UBE2Q2: variants seen among roughly 807,000 people sequenced by gnomAD.
UBE2Q2 encodes the protein ubiquitin-conjugating enzyme E2 Q2.
A neutral mutation model predicts 59.9 loss-of-function variants in UBE2Q2; 54 were observed. The ratio of observed to expected loss-of-function variants is 0.90; its 90% CI spans 0.72 to 1.13. The LOEUF is 1.13. Ranked by LOEUF, UBE2Q2 falls within the 50% of genes most tolerant of loss-of-function variation. The pLI is 0.00. For synonymous variants in UBE2Q2, 165 were observed against 155.2 expected (o/e 1.06, Z -0.47); for missense variants, 433 against 441.9 (o/e 0.98, Z 0.18).
In UBE2Q2 at chr15:75,860,009, A is replaced by G. The variant is rs1213903551; in HGVS notation, c.387+27A>G. The G allele has an allele frequency of 2.0e-6, 3 of 1,493,998 alleles. No individual in the cohort carries two copies. In the Admixed American group the frequency reaches 6.3e-5, roughly 31 times the overall value. 92.5% of individuals were successfully genotyped at this position (1,493,998 alleles called of 1,614,324 possible). On this transcript the variant is annotated intron_variant, in intron 3 of 12. Transcript: ENST00000267938. ...TAAAGTAAAAATTCTCTAGTGTTCAAGAGCTAAATAAATTGTCTCAAGCAA... is the reference window on the plus strand; with the variant it reads ...TAAAGTAAAAATTCTCTAGTGTTCAGGAGCTAAATAAATTGTCTCAAGCAA...
intron 3 of UBE2Q2, among the ~76,000 whole-genome samples, chr15:75,860,201 C>T (rs113618157): frequency 1.3e-5 from 2 of 152,314 alleles, no homozygotes; most frequent in African/African-American, 4.8e-5. Context: ...AATTGCCCTT[C>T]TCTCTACCAC....
At position 75,877,998 on chromosome 15, in the gene UBE2Q2, T is replaced by C; in HGVS notation, c.711T>C (p.Tyr237=). Residue 237 remains tyrosine (Y), a synonymous_variant, in exon 7 of 13, where the codon TAT becomes TAC. Coordinates refer to ENST00000267938, the MANE Select transcript of UBE2Q2 (RefSeq NM_173469.4). ...TGGAACTCATAAATGACAGTTTATA[T>C]GACTGGCATGTTAAACTGCAGAAGT... The part of the protein sequence containing the change: ...YSVELINDSL[Y]DWHVKLQKVD... The C allele has an allele frequency of 6.2e-7, 1 of 1,613,868 alleles. No individual in the cohort carries two copies. Among genetic ancestry groups the C allele is most frequent in the Non-Finnish European group, 8.5e-7 (1 of 1,179,896 alleles).
chr15:75,884,521 A>T (rs1898646238), intron 9 of UBE2Q2, among the ~76,000 whole-genome samples: 1 of 152,204 alleles, frequency 6.6e-6, no homozygotes, highest in African/African-American at 2.4e-5. Context: ...CAGAATAGTT[A>T]TTTGGGCATG....
rs928676433 is a variant in UBE2Q2 at position 75,900,697 on chromosome 15, T to C, written c.*1239T>C. 3.3e-5 allele frequency: 5 copies of C among 152,654 alleles called. No individual in the cohort carries two copies. The highest frequency in any genetic ancestry group is 7.2e-5 in the African/African-American group (3 of 41,470). The allele number at this position is 152,654 out of a possible 1,614,324, so 9.5% of individuals were successfully genotyped here. A position where few individuals can be genotyped will look rare whatever the true frequency, so the allele number is the denominator to read the frequency against. ...ATCTGAGAGACTTGTCATTTCTACATTGTGTGTGTTTAATTTCTTTTGATT... is the reference window on the plus strand; with the variant it reads ...ATCTGAGAGACTTGTCATTTCTACACTGTGTGTGTTTAATTTCTTTTGATT... On this transcript the variant is annotated 3_prime_UTR_variant, in exon 13 of 13. Transcript: ENST00000267938.
intron 11 of UBE2Q2, among the ~76,000 whole-genome samples, 163 bp downstream of exon 11, chr15:75,891,177 A>T (rs1360077452): frequency 6.6e-6 from 1 of 152,204 alleles, no homozygotes; most frequent in Non-Finnish European, 1.5e-5. Context: ...TGGAATTATA[A>T]GAAAATTAAA....
At chr15:75,879,480 G>A (rs930206800) in intron 8 of UBE2Q2, among the ~76,000 whole-genome samples, 2 of 152,214 alleles carry the variant, frequency 1.3e-5, no homozygotes, top group East Asian at 3.8e-4. Flanking sequence ...GACAAGATGG[G>A]TGGATCTTGA....
chr15:75,878,623 A>T (rs1337509804), intron 7 of UBE2Q2, among the ~76,000 whole-genome samples: 1 of 149,164 alleles, frequency 6.7e-6, no homozygotes, highest in African/African-American at 2.5e-5. Context: ...AAAAAAAAAA[A>T]AAAAGTTGGG....
At chr15:75,882,787 C>A (rs4886748) in intron 8 of UBE2Q2, among the ~76,000 whole-genome samples, 65,960 of 151,882 alleles carry the variant, frequency 0.43, 15,358 homozygotes, top group South Asian at 0.67. Context: ...GGCTGTCATT[C>A]CCTGTCAGGG....
chr15:75,869,062 T>C, intron 4 of UBE2Q2, 52 bp downstream of exon 4: 1 of 1,458,558 alleles, frequency 6.9e-7, no homozygotes, highest in South Asian at 1.2e-5. Context: ...TTTTTGAACA[T>C]TTGAGTAATT....
chr15:75,843,663 G>C lies in UBE2Q2; in HGVS notation c.-4G>C, dbSNP rs1408987026. On this transcript the variant is annotated 5_prime_UTR_variant, in exon 1 of 13. Coordinates refer to ENST00000267938, the MANE Select transcript of UBE2Q2 (RefSeq NM_173469.4). ...GCGCCCCTCCCGCCGGAGATGAGGG[G>C]AAGATGTCCGTGTCAGGGCTCAAGG... is the stretch of plus-strand genomic sequence containing the variant. The C allele has an allele frequency of 2.5e-6, 4 of 1,599,238 alleles. No homozygotes were observed. Among genetic ancestry groups the C allele is most frequent in the Admixed American group, 1.7e-5 (1 of 59,060 alleles).
intron 5 of UBE2Q2, 97 bp from the exon 6 acceptor site, chr15:75,876,087 TGAG>T: frequency 1.0e-6 from 1 of 986,078 alleles, no homozygotes; most frequent in Non-Finnish European, 1.5e-6. Flanking sequence ...AAAAAAATGT[TGAG>T]TGGTGATCCA....
intron 11 of UBE2Q2, among the ~76,000 whole-genome samples, chr15:75,894,761 C>T (rs1047614529): frequency 1.1e-4 from 16 of 151,810 alleles, no homozygotes; most frequent in African/African-American, 3.9e-4. Context: ...TGGGGAAGGC[C>T]AACATTCTTA....
At chr15:75,867,855 A>G (rs1434254468) in intron 3 of UBE2Q2, among the ~76,000 whole-genome samples, 1 of 152,190 alleles carries the variant, frequency 6.6e-6, no homozygotes, top group African/African-American at 2.4e-5. Flanking sequence ...GTCTTTAGAT[A>G]CCCAGAATAG....
intron 1 of UBE2Q2, among the ~76,000 whole-genome samples, chr15:75,849,510 G>A (rs1439476805): frequency 6.6e-6 from 1 of 152,168 alleles, no homozygotes; most frequent in Non-Finnish European, 1.5e-5. Context: ...AATAGATACA[G>A]AAAGTTACTT....
At chr15:75,846,694 G>A (rs1048167337) in intron 1 of UBE2Q2, among the ~76,000 whole-genome samples, 5 of 152,164 alleles carry the variant, frequency 3.3e-5, no homozygotes, top group African/African-American at 1.2e-4. Context: ...AAGGTAATGA[G>A]TTTGACTTAT....
At chr15:75,860,508 C>T (rs1490604094) in intron 3 of UBE2Q2, among the ~76,000 whole-genome samples, 1 of 152,050 alleles carries the variant, frequency 6.6e-6, no homozygotes, top group Admixed American at 6.5e-5. Flanking sequence ...TTACCACTCA[C>T]CTCCCCTTCC....
chr15:75,869,064 T>G (rs1233178384), intron 4 of UBE2Q2, 54 bp downstream of exon 4: 55 of 1,449,192 alleles, frequency 3.8e-5, no homozygotes, highest in Non-Finnish European at 4.0e-5. Flanking sequence ...TTTGAACATT[T>G]GAGTAATTCT....
chr15:75,863,894 C>T (rs1415664555), intron 3 of UBE2Q2, among the ~76,000 whole-genome samples: 1 of 152,092 alleles, frequency 6.6e-6, no homozygotes, highest in Admixed American at 6.5e-5. Context: ...CCCACCTCGG[C>T]CTCCCAGAGT....
intron 1 of UBE2Q2, chr15:75,844,188 C>G: frequency 1.4e-6 from 2 of 1,445,770 alleles, no homozygotes; most frequent in Non-Finnish European, 1.8e-6. Flanking sequence ...GCTCCCGGGA[C>G]CGGGGCGGGG....
Sources: gnomAD v4.1 joint callset for allele counts (sites outside exome capture counted in the v4.1 genomes callset) on GRCh38, gnomAD v4.1.1 for gene constraint, MANE v1.5 for transcripts, NCBI Gene and HGNC (gene_info 2026-07-23, HGNC 2026-07-21) for gene names.